The following RICTOR variants were observed in gnomAD, a reference collection of about 807,000 sequenced individuals.
RICTOR encodes the protein RPTOR independent companion of MTOR complex 2, also known as rapamycin-insensitive companion of mTOR.
In RICTOR, 49 loss-of-function variants were observed where a neutral mutation model predicts 214.9. The ratio of observed to expected loss-of-function variants is 0.23; its 90% CI spans 0.18 to 0.29. RICTOR has a LOEUF of 0.29. Among genes scored for constraint, RICTOR ranks in the 10% least tolerant of loss-of-function variants. The probability of loss-of-function intolerance (pLI) is 1.00; values close to 1 mark genes in which losing one functional copy is unlikely to be tolerated. For missense variants in RICTOR, 1,625 were observed against 2,047.0 expected (o/e 0.79, Z 3.98); for synonymous variants, 717 against 711.3 (o/e 1.01, Z -0.13).
chr5:39,004,567 C>T (rs1258946029), intron 3 of RICTOR, among the ~76,000 whole-genome samples: 1 of 151,476 alleles, frequency 6.6e-6, no homozygotes, highest in Admixed American at 6.6e-5. Context: ...TCAAGTGATT[C>T]TCCCGCCTCA....
chr5:38,950,351 T>C lies in RICTOR; in HGVS notation c.3497A>G (p.Asn1166Ser). 6.2e-7 allele frequency: 1 copy of C among 1,613,456 alleles called. No homozygotes were observed. Reference sequence around the variant, plus strand: ...ACTACCAGTGTCTTCAATGTGCTTATTCCCCATAAATGAAGTCTCTAATTG... The same window carrying C: ...ACTACCAGTGTCTTCAATGTGCTTACTCCCCATAAATGAAGTCTCTAATTG... The part of the protein sequence containing the change: ...TLQLETSFMG[N>S]KHIEDTGSTP... The change falls in exon 31 of 38, where the codon AAT becomes AGT. Residue 1166 changes from asparagine (N) to serine (S), a missense_variant. Physicochemically the swap from Asn to Ser is conservative, Grantham distance 46. Transcript: ENST00000357387.
intron 2 of RICTOR, chr5:39,022,659 A>C (rs1755520396): frequency 6.6e-6 from 1 of 152,554 alleles, no homozygotes; most frequent in African/African-American, 2.4e-5. Context: ...GTGGTGGACT[A>C]TTTGGAGGGA....
intron 2 of RICTOR, among the ~76,000 whole-genome samples, chr5:39,034,537 G>A (rs547291196): frequency 2.0e-5 from 3 of 152,358 alleles, no homozygotes; most frequent in African/African-American, 4.8e-5. Context: ...CCCGGGAAGT[G>A]CAAGGGGTCA....
At chr5:39,073,268 G>A (rs1759456650) in intron 2 of RICTOR, among the ~76,000 whole-genome samples, 1 of 152,166 alleles carries the variant, frequency 6.6e-6, no homozygotes, top group South Asian at 2.1e-4. Flanking sequence ...TGTTTACCGT[G>A]GAAGAGAAAA....
In RICTOR at chr5:38,952,367, T is replaced by C. The variant is rs1356828270; in HGVS notation, c.2956A>G (p.Lys986Glu). ...AKTKQGCDILKCHNWDAVRHS... is the reference protein window; with the variant it reads ...AKTKQGCDILECHNWDAVRHS... ...CTCACAGCATCCCAGTTGTGACATT[T>C]TAGAATATCACAGCCTTGTTTGGTT... Residue 986 changes from lysine (K) to glutamate (E), a missense_variant, in exon 30 of 38, where the codon AAA becomes GAA. By Grantham distance (56) the Lys-to-Glu change is moderately conservative. This residue lies in a region of RICTOR where 1,214 missense variants were observed against 1,470.5 expected (regional missense o/e 0.83). Coordinates refer to ENST00000357387, the MANE Select transcript of RICTOR (RefSeq NM_152756.5). 1 of 1,612,906 alleles carries C rather than the reference T, an allele frequency of 6.2e-7. No homozygotes were observed. Among genetic ancestry groups the C allele is most frequent in the Non-Finnish European group, 8.5e-7 (1 of 1,179,292 alleles).
Position 39,034,230 on chromosome 5 carries a change from A to G in RICTOR, c.98-13094T>C, listed in dbSNP as rs114246208. ...ATTATATACTGTAACTGTCAAATAT[A>G]GATGAGGATCAATCTAGGTATAGAA... is the stretch of plus-strand genomic sequence containing the variant. On this transcript the variant is annotated intron_variant, in intron 2 of 37. Coordinates refer to ENST00000357387, the MANE Select transcript of RICTOR (RefSeq NM_152756.5). Among the ~76,000 whole-genome samples the G allele has an allele frequency of 4.7e-3, 722 of 152,378 alleles. 11 individuals are homozygous for G. Among genetic ancestry groups the G allele is most frequent in the African/African-American group, 0.017 (696 of 41,592 alleles).
At chr5:39,047,658 C>A (rs981754962) in intron 2 of RICTOR, among the ~76,000 whole-genome samples, 4 of 152,194 alleles carry the variant, frequency 2.6e-5, no homozygotes, top group African/African-American at 9.7e-5. Flanking sequence ...ACTAGACACA[C>A]TGAGACAAAT....
In RICTOR at chr5:38,990,648, G is replaced by GATATATCAC. The variant is rs773521918; in HGVS notation, c.583+300_583+301insGTGATATAT. 3.7e-4 allele frequency among the ~76,000 whole-genome samples: 18 copies of GATATATCAC among 48,024 alleles called. 3 individuals are homozygous for GATATATCAC. In the South Asian group the frequency reaches 8.2e-3, roughly 22 times the overall value. 31.5% of individuals were successfully genotyped at this position (48,024 alleles called of 152,430 possible). ...TGATATATATATCTGACATATATCA[G>GATATATCAC]ATATATGATATATATCAGATATATA... is the stretch of plus-strand genomic sequence containing the variant. On this transcript the variant is annotated intron_variant, in intron 7 of 37. Transcript: ENST00000357387.
Position 38,943,157 on chromosome 5 carries a change from GGTT to G in RICTOR, c.4914-189_4914-187del, listed in dbSNP as rs542303305. ...CACACACTTAGACATTCTGAGTTTG[GGTT>G]TTTTTTTAAAAAAAATGATTATCAA... On this transcript the variant is annotated intron_variant, in intron 36 of 37. Coordinates refer to ENST00000357387, the MANE Select transcript of RICTOR (RefSeq NM_152756.5). 0.012 allele frequency: 3,651 copies of G among 306,008 alleles called. 122 individuals carry two copies. The African/African-American group carries it at 0.13, about 11-fold the overall frequency. The allele number at this position is 306,008 out of a possible 1,614,324, so 19.0% of individuals were successfully genotyped here.
chr5:39,011,951 T>C (rs930706976), intron 3 of RICTOR, among the ~76,000 whole-genome samples: 3 of 152,168 alleles, frequency 2.0e-5, no homozygotes, highest in African/African-American at 7.2e-5. Context: ...TGGGGGACTG[T>C]TGAAAGGGCA....
At chr5:38,976,503 A>C (rs1751242915) in intron 9 of RICTOR, among the ~76,000 whole-genome samples, 1 of 152,162 alleles carries the variant, frequency 6.6e-6, no homozygotes, top group Non-Finnish European at 1.5e-5. Context: ...GCTATGCAGC[A>C]CCAGCTAAAA....
intron 2 of RICTOR, among the ~76,000 whole-genome samples, chr5:39,067,453 G>A (rs1758986789): frequency 6.6e-6 from 1 of 152,104 alleles, no homozygotes; most frequent in African/African-American, 2.4e-5. Flanking sequence ...AGATTTGGGT[G>A]GGGACAAATA....
chr5:39,049,779 C>T (rs1296283981), intron 2 of RICTOR, among the ~76,000 whole-genome samples: 1 of 152,110 alleles, frequency 6.6e-6, no homozygotes, highest in African/African-American at 2.4e-5. Context: ...AGCATAAACA[C>T]TGCTAGCAGA....
chr5:39,052,905 G>A (rs1313731091), intron 2 of RICTOR, among the ~76,000 whole-genome samples: 3 of 152,120 alleles, frequency 2.0e-5, no homozygotes, highest in Admixed American at 1.3e-4. Context: ...AACCCAAACA[G>A]CCATTCTCTA....
Position 38,952,387 on chromosome 5 carries a change from T to C in RICTOR, c.2936A>G (p.Lys979Arg), listed in dbSNP as rs139071319. The change falls in exon 30 of 38, where the codon AAA (lysine) becomes AGA (arginine). Residue 979 changes from lysine (K) to arginine (R), a missense_variant. By Grantham distance (26) the Lys-to-Arg change is conservative (BLOSUM62 2). Around this residue, in one of 5 missense-constraint regions of RICTOR, gnomAD observed 1,214 missense variants for 1,470.5 expected, o/e 0.83. Transcript: ENST00000357387. The part of the protein sequence containing the change: ...VYVLGLIAKT[K>R]QGCDILKCHN... ...ACATTTTAGAATATCACAGCCTTGTTTGGTTTTAGCTATGAGCCCAAGTAC... is the reference window on the plus strand; with the variant it reads ...ACATTTTAGAATATCACAGCCTTGTCTGGTTTTAGCTATGAGCCCAAGTAC... 1.4e-4 allele frequency: 224 copies of C among 1,612,674 alleles called. No individual in the cohort carries two copies. Among genetic ancestry groups the C allele is most frequent in the Non-Finnish European group, 1.9e-4 (223 of 1,179,144 alleles).
intron 2 of RICTOR, among the ~76,000 whole-genome samples, chr5:39,063,517 T>C (rs528339707): frequency 5.9e-5 from 9 of 152,302 alleles, no homozygotes; most frequent in Admixed American, 3.3e-4. Context: ...ACAATTGTCA[T>C]TATATCTTCA....
rs2150105756 is a variant in RICTOR, at chr5:39,002,622, G to A, written c.305C>T (p.Ala102Val). ...LLNEAKEVRAAGLRALRYLIQ... is the reference protein window; with the variant it reads ...LLNEAKEVRAVGLRALRYLIQ... The stretch of plus-strand genomic sequence containing the variant: ...GAGATATCGAAGCGCTCGTAGCCCT[G>A]CTGCTCGCACTTCTTTTGCTTCATT... The change falls in exon 5 of 38, where the codon GCA becomes GTA. Residue 102 changes from alanine (A) to valine (V), a missense_variant. Ala to Val is a moderately conservative substitution (Grantham distance 64, BLOSUM62 0). Transcript: ENST00000357387. 6.2e-7 allele frequency: 1 copy of A among 1,609,870 alleles called. No homozygotes were observed. The highest frequency in any genetic ancestry group is 8.5e-7 in the Non-Finnish European group (1 of 1,177,948).
chr5:38,967,828 T>C, intron 12 of RICTOR, 115 bp downstream of exon 12: 2 of 576,282 alleles, frequency 3.5e-6, no homozygotes, highest in Non-Finnish European at 3.1e-6. Flanking sequence ...GTCACAATTA[T>C]GCAGCAAGAA....
At chr5:38,952,946 A>G in intron 29 of RICTOR, 39 bp downstream of exon 29, 1 of 1,216,566 alleles carries the variant, frequency 8.2e-7, no homozygotes, top group Admixed American at 1.8e-5. Context: ...GTGAATAACA[A>G]CGTCTACATT....
Sources: gnomAD v4.1 joint callset for allele counts (sites outside exome capture counted in the v4.1 genomes callset) on GRCh38, gnomAD v4.1.1 for gene constraint, gnomAD v4.1.1 regional missense constraint, MANE v1.5 for transcripts, NCBI Gene and HGNC (gene_info 2026-07-23, HGNC 2026-07-21) for gene names.